The following MYLK variants were observed in gnomAD, a reference collection of about 807,000 sequenced individuals.
MYLK encodes the protein myosin light chain kinase, also known as myosin light chain kinase, smooth muscle.
In MYLK, 106 loss-of-function variants were observed where a neutral mutation model predicts 203.4. That is an observed-to-expected ratio of 0.52 (90% CI 0.45 to 0.61). The LOEUF is 0.61. Ranked by LOEUF, MYLK falls within the 20% of genes least tolerant of loss-of-function variation. The probability of loss-of-function intolerance (pLI) is 0.00; values close to 1 mark genes in which losing one functional copy is unlikely to be tolerated. For missense variants in MYLK, 2,072 were observed against 2,442.3 expected, an observed-to-expected ratio of 0.85 and a Z score of 3.20; for synonymous variants, 867 against 959.5, an observed-to-expected ratio of 0.90 and a Z score of 1.78.
rs1405297287 is a variant in MYLK at position 123,640,201 on chromosome 3, T to A, written c.4837+86A>T. 1 of 1,282,528 alleles carries A rather than the reference T, an allele frequency of 7.8e-7. No individual in the cohort carries two copies. Among genetic ancestry groups the A allele is most frequent in the Non-Finnish European group, 1.1e-6 (1 of 881,836 alleles). The allele number at this position is 1,282,528 out of a possible 1,614,324, so 79.4% of individuals were successfully genotyped here. On this transcript the variant is annotated intron_variant, in intron 28 of 33. Transcript: ENST00000360304. This position sits in a 1 kb window ranked among gnomAD's most constrained non-coding sequence, Gnocchi z 4.3. ...ATGGTCTCGGATTTAACCCCAATAC[T>A]GTATGTTTCCTCTCACACTCAGTGT...
At chr3:123,830,950 A>G (rs1295900537) in intron 3 of MYLK, among the ~76,000 whole-genome samples, 1 of 152,028 alleles carries the variant, frequency 6.6e-6, no homozygotes, top group Non-Finnish European at 1.5e-5. Context: ...AAACAGGCTC[A>G]CTCTACACCT....
At chr3:123,679,340 T>C (rs1414022843) in intron 20 of MYLK, among the ~76,000 whole-genome samples, 1 of 150,964 alleles carries the variant, frequency 6.6e-6, no homozygotes, top group East Asian at 2.0e-4. Flanking sequence ...AGACATCTCC[T>C]TCACTTCCCA....
intron 31 of MYLK, chr3:123,621,924 C>T (rs1341958712): frequency 6.6e-6 from 1 of 152,274 alleles, no homozygotes; most frequent in Non-Finnish European, 1.5e-5. Context: ...TGCGCAGAAC[C>T]ACCGTGTGGC....
intron 3 of MYLK, among the ~76,000 whole-genome samples, chr3:123,797,937 G>C (rs562341822): frequency 2.9e-4 from 44 of 152,306 alleles, no homozygotes; most frequent in Admixed American, 2.2e-3. Flanking sequence ...AGAAGCCCCA[G>C]ATATCTTCAG....
intron 2 of MYLK, among the ~76,000 whole-genome samples, chr3:123,860,913 G>A (rs768627297): frequency 1.3e-5 from 2 of 152,206 alleles, no homozygotes; most frequent in Non-Finnish European, 1.5e-5. Flanking sequence ...GGAGGATCAC[G>A]AAGTCAGGAG....
At chr3:123,824,081 C>T (rs933261596) in intron 3 of MYLK, among the ~76,000 whole-genome samples, 4 of 151,224 alleles carry the variant, frequency 2.6e-5, no homozygotes, top group Non-Finnish European at 4.4e-5. Flanking sequence ...CCTTATTGTA[C>T]TTTATTGTTT....
At chr3:123,737,273 G>A (rs1482747088) in intron 8 of MYLK, 105 bp downstream of exon 8, 63 of 1,434,848 alleles carry the variant, frequency 4.4e-5, no homozygotes, top group Non-Finnish European at 6.2e-5. Flanking sequence ...TGTGTGAGTG[G>A]GCCAGGTGTA....
chr3:123,629,275 C>T lies in MYLK; in HGVS notation c.5114+199G>A, dbSNP rs1478750136. On this transcript the variant is annotated intron_variant, in intron 30 of 33. Coordinates refer to ENST00000360304, the MANE Select transcript of MYLK (RefSeq NM_053025.4). This position sits in a 1 kb window ranked among gnomAD's most constrained non-coding sequence, Gnocchi z 4.4. Reference sequence around the variant, plus strand: ...GAATCCCATGTCTAGCTCCAGGGGGCAGGGCCTAGGAAGTCGCCTCCCCAA... The same window carrying T: ...GAATCCCATGTCTAGCTCCAGGGGGTAGGGCCTAGGAAGTCGCCTCCCCAA... Among the ~76,000 whole-genome samples, 2 of 152,150 alleles carry T rather than the reference C, an allele frequency of 1.3e-5. No individual in the cohort carries two copies. The highest frequency in any genetic ancestry group is 4.8e-5 in the African/African-American group (2 of 41,436).
intron 3 of MYLK, among the ~76,000 whole-genome samples, chr3:123,820,957 G>T (rs1236609308): frequency 6.6e-6 from 1 of 151,954 alleles, no homozygotes; most frequent in Non-Finnish European, 1.5e-5. Context: ...TCGAACTCCC[G>T]ACCTCAAGTG....
chr3:123,626,832 T>C lies in MYLK; in HGVS notation c.5224A>G (p.Arg1742Gly), dbSNP rs886057858. The change falls in exon 31 of 34, where the codon AGA (arginine) becomes GGA (glycine). Residue 1742 changes from arginine to glycine, a missense_variant. Physicochemically the swap from Arg to Gly is moderately radical, Grantham distance 125. Around this residue, in one of 3 missense-constraint regions of MYLK, gnomAD observed 524 missense variants for 782.4 expected, o/e 0.67. Transcript: ENST00000360304. ...CCTCTCATTACCTGCCATTTCCTTC[T>C]TGCCATGTACTTCTTCATCCGGTCC... ...SKDRMKKYMA[R>G]RKWQKTGNAV... 2 of 1,614,248 alleles carry C rather than the reference T, an allele frequency of 1.2e-6. No individual in the cohort carries two copies. Among genetic ancestry groups the C allele is most frequent in the Middle Eastern group, 1.6e-4 (1 of 6,062 alleles).
intron 13 of MYLK, chr3:123,716,500 A>G (rs2108700646): frequency 6.6e-6 from 1 of 152,364 alleles, no homozygotes; most frequent in Non-Finnish European, 1.5e-5. Context: ...ATGACGTATA[A>G]TATCCCAAAA....
intron 2 of MYLK, among the ~76,000 whole-genome samples, chr3:123,845,658 A>AT (rs1284504159): frequency 1.3e-5 from 2 of 151,820 alleles, no homozygotes; most frequent in Non-Finnish European, 2.9e-5. Flanking sequence ...GCCCAGCTAT[A>AT]TTTTTTTATT....
chr3:123,664,285 TG>T (rs1560039185), intron 22 of MYLK, 27 bp from the exon 23 acceptor site: 2 of 1,614,128 alleles, frequency 1.2e-6, no homozygotes, highest in Admixed American at 3.3e-5. Context: ...GAGCAGGTGC[TG>T]GAGCCTTGGG....
At chr3:123,673,971 G>A (rs890845499) in intron 20 of MYLK, among the ~76,000 whole-genome samples, 19 of 152,068 alleles carry the variant, frequency 1.2e-4, no homozygotes, top group African/African-American at 4.1e-4. Flanking sequence ...GCACTGCCCC[G>A]GGGTACTGTG....
chr3:123,756,114 G>A (rs999664177), intron 4 of MYLK, among the ~76,000 whole-genome samples: 2 of 152,228 alleles, frequency 1.3e-5, no homozygotes, highest in Non-Finnish European at 2.9e-5. Context: ...TTAAATGGCA[G>A]ATTGGAGACC....
In MYLK at chr3:123,884,269, GCGCACAGCGCGGGCTCCGAGCT is replaced by G. The variant is rs1559745482; in HGVS notation, c.-271_-250del. The G allele has an allele frequency of 6.7e-6, 1 of 148,768 alleles. No individual in the cohort carries two copies. Among genetic ancestry groups the G allele is most frequent in the Non-Finnish European group, 1.5e-5 (1 of 66,902 alleles). The allele number at this position is 148,768 out of a possible 1,614,324, so 9.2% of individuals were successfully genotyped here. A position where few individuals can be genotyped will look rare whatever the true frequency, so the allele number is the denominator to read the frequency against. ...GCTCGGCGGGGCGCCCCGGCCGCAG[GCGCACAGCGCGGGCTCCGAGCT>G]CGCTCAGCGCCCTGCTGCCGACCGG... On this transcript the variant is annotated 5_prime_UTR_variant, in exon 1 of 34. Coordinates refer to ENST00000360304, the MANE Select transcript of MYLK (RefSeq NM_053025.4).
At chr3:123,816,946 GC>G (rs765444687) in intron 3 of MYLK, among the ~76,000 whole-genome samples, 1 of 152,216 alleles carries the variant, frequency 6.6e-6, no homozygotes, top group African/African-American at 2.4e-5. Flanking sequence ...AAGGACAAAG[GC>G]CCAAGTTTGT....
intron 4 of MYLK, among the ~76,000 whole-genome samples, chr3:123,777,553 CTTTGGGGAGG>C (rs1260138197): frequency 6.6e-6 from 1 of 152,202 alleles, no homozygotes; most frequent in Admixed American, 6.5e-5. Context: ...CCCTGTGAAA[CTTTGGGGAGG>C]TTCAGGAAGC....
At chr3:123,849,910 C>T (rs1291505038) in intron 2 of MYLK, among the ~76,000 whole-genome samples, 1 of 152,164 alleles carries the variant, frequency 6.6e-6, no homozygotes, top group African/African-American at 2.4e-5. Context: ...CACCCTACAA[C>T]AGGGCCCAGT....
Sources: gnomAD v4.1 joint callset for allele counts (sites outside exome capture counted in the v4.1 genomes callset) on GRCh38, gnomAD v4.1.1 for gene constraint, gnomAD v4.1.1 regional missense constraint, Gnocchi (gnomAD v3.1) non-coding constraint, MANE v1.5 for transcripts, NCBI Gene and HGNC (gene_info 2026-07-23, HGNC 2026-07-21) for gene names.